Variants in RORA observed in about 807,000 individuals in gnomAD.
RORA encodes nuclear receptor ROR-alpha.
In RORA, 7 loss-of-function variants were observed where a neutral mutation model predicts 69.5. The ratio of observed to expected loss-of-function variants is 0.10; its 90% CI spans 0.06 to 0.19. RORA has a LOEUF of 0.19. Ranked by LOEUF, RORA falls within the 10% of genes least tolerant of loss-of-function variation. The pLI, the probability that RORA is intolerant of heterozygous loss-of-function variation, is 1.00. For missense variants in RORA, 457 were observed against 663.0 expected, an observed-to-expected ratio of 0.69 and a Z score of 3.41; for synonymous variants, 261 against 240.8, an observed-to-expected ratio of 1.08 and a Z score of -0.78.
intron 1 of RORA, among the ~76,000 whole-genome samples, chr15:60,987,852 A>C (rs1333396677): frequency 6.6e-6 from 1 of 152,192 alleles, no homozygotes; most frequent in East Asian, 1.9e-4. Flanking sequence ...TGCATGTCCA[A>C]AGCTGCACAG....
intron 1 of RORA, among the ~76,000 whole-genome samples, chr15:60,871,717 G>C (rs1490286855): frequency 6.6e-6 from 1 of 152,214 alleles, no homozygotes; most frequent in African/African-American, 2.4e-5. Flanking sequence ...ATGTGAAGCA[G>C]TCAGCTTCCA....
chr15:60,815,841 A>G (rs191898920), intron 1 of RORA, among the ~76,000 whole-genome samples: 67 of 148,754 alleles, frequency 4.5e-4, no homozygotes, highest in Admixed American at 1.9e-3. Flanking sequence ...GTATATATTT[A>G]CACTATTTAT....
At chr15:60,689,889 G>T (rs535859708) in intron 1 of RORA, among the ~76,000 whole-genome samples, 4 of 152,152 alleles carry the variant, frequency 2.6e-5, no homozygotes, top group Non-Finnish European at 5.9e-5. Context: ...TTCAGAGGGA[G>T]CAAGGCTCTG....
chr15:61,013,192 A>T (rs969188067), intron 1 of RORA, among the ~76,000 whole-genome samples: 2 of 152,236 alleles, frequency 1.3e-5, no homozygotes, highest in African/African-American at 2.4e-5. Context: ...TGAATAATGG[A>T]AACGATAATA....
chr15:60,901,048 T>C (rs1160996023), intron 1 of RORA, among the ~76,000 whole-genome samples: 3 of 152,178 alleles, frequency 2.0e-5, no homozygotes, highest in African/African-American at 7.2e-5. Flanking sequence ...GTGTTTAGTA[T>C]TGAAATTATG....
At chr15:61,170,398 G>A (rs916129761) in intron 1 of RORA, among the ~76,000 whole-genome samples, 2 of 152,114 alleles carry the variant, frequency 1.3e-5, no homozygotes, top group African/African-American at 4.8e-5. Flanking sequence ...TGTGTGTCCT[G>A]TGCTTTTGTC....
intron 1 of RORA, among the ~76,000 whole-genome samples, chr15:61,040,156 A>ATGATT (rs1566958463): frequency 8.0e-5 from 10 of 125,040 alleles, no homozygotes; most frequent in South Asian, 7.6e-4. Context: ...ATATATATAT[A>ATGATT]TATATATAAA....
chr15:61,180,117 C>G, intron 1 of RORA, among the ~76,000 whole-genome samples: 1 of 131,742 alleles, frequency 7.6e-6, no homozygotes. Flanking sequence ...GCACTCGAGC[C>G]TGGGCAACAG....
chr15:61,105,765 C>T (rs1477440200), intron 1 of RORA, among the ~76,000 whole-genome samples: 1 of 152,210 alleles, frequency 6.6e-6, no homozygotes, highest in Non-Finnish European at 1.5e-5. Context: ...CACTTACATG[C>T]TCTGAGCTTC....
chr15:61,109,227 G>A (rs1175189944), intron 1 of RORA, among the ~76,000 whole-genome samples: 1 of 152,120 alleles, frequency 6.6e-6, no homozygotes. Flanking sequence ...AGTACCATAA[G>A]CACTGTGCTA....
Position 61,167,482 on chromosome 15 carries a change from ATTTTTTTTTTTTTTTTTTTTTTTT to A in RORA, c.166+61547_166+61570del, listed in dbSNP as rs199752865. Among the ~76,000 whole-genome samples, 301 of 133,632 alleles carry A rather than the reference ATTTTTTTTTTTTTTTTTTTTTTTT, an allele frequency of 2.3e-3. 1 individual carries two copies. The highest frequency in any genetic ancestry group is 5.0e-3 in the African/African-American group (174 of 34,942). 87.7% of individuals were successfully genotyped at this position (133,632 alleles called of 152,430 possible). A position where few individuals can be genotyped will look rare whatever the true frequency, so the allele number is the denominator to read the frequency against. On this transcript the variant is annotated intron_variant, in intron 1 of 10. Transcript: ENST00000335670. ...AAAGGATGCAAATAATTTGACCAGG[ATTTTTTTTTTTTTTTTTTTTTTTT>A]TTTTTTTTTTTTTTTTATGAAGAAA...
At chr15:61,129,380 G>A (rs1156535044) in intron 1 of RORA, among the ~76,000 whole-genome samples, 2 of 152,050 alleles carry the variant, frequency 1.3e-5, no homozygotes, top group Non-Finnish European at 2.9e-5. Flanking sequence ...CCATTTATAC[G>A]GAATATCTAG....
intron 2 of RORA, among the ~76,000 whole-genome samples, chr15:60,540,556 T>G (rs2066831311): frequency 1.1e-5 from 1 of 94,226 alleles, no homozygotes; most frequent in African/African-American, 4.8e-5. Context: ...ACCTGCACAA[T>G]TTCCATGACC....
At chr15:61,146,481 C>T (rs573888379) in intron 1 of RORA, among the ~76,000 whole-genome samples, 1,877 of 151,702 alleles carry the variant, frequency 0.012, 38 homozygotes, top group African/African-American at 0.042. Context: ...CACACACACA[C>T]ACGCACACAC....
rs149272572 is a variant in RORA at position 61,104,100 on chromosome 15, A to G, written c.166+124953T>C. On this transcript the variant is annotated intron_variant, in intron 1 of 10. Transcript: ENST00000335670. ...GAAAAGCCACATGATGCATGTTCTC[A>G]TCTCCCCTTCCACCCAACTCACCTG... Among the ~76,000 whole-genome samples the G allele has an allele frequency of 9.3e-4, 141 of 152,296 alleles. 1 individual carries two copies. Among genetic ancestry groups the G allele is most frequent in the African/African-American group, 3.4e-3 (140 of 41,570 alleles).
At chr15:60,858,202 G>C (rs930938812) in intron 1 of RORA, among the ~76,000 whole-genome samples, 4 of 152,140 alleles carry the variant, frequency 2.6e-5, no homozygotes, top group African/African-American at 9.7e-5. Context: ...GTGTTTCCCT[G>C]GGTCTCAGTT....
intron 1 of RORA, chr15:60,765,075 G>T (rs2071965013): frequency 6.6e-6 from 1 of 151,736 alleles, no homozygotes; most frequent in Non-Finnish European, 1.5e-5. Context: ...ACAAAGTAGT[G>T]GGAATCTGAA....
intron 1 of RORA, among the ~76,000 whole-genome samples, chr15:61,082,785 A>C (rs1480219605): frequency 6.6e-6 from 1 of 152,206 alleles, no homozygotes; most frequent in African/African-American, 2.4e-5. Context: ...TTATTTCTTT[A>C]GATTTCTTTT....
chr15:60,520,725 G>GT (rs1367247161), intron 3 of RORA, among the ~76,000 whole-genome samples: 1 of 151,580 alleles, frequency 6.6e-6, no homozygotes, highest in East Asian at 1.9e-4. Flanking sequence ...CTGAGGAGGC[G>GT]TAAAAAAAAA....
Sources: gnomAD v4.1 joint callset for allele counts (sites outside exome capture counted in the v4.1 genomes callset) on GRCh38, gnomAD v4.1.1 for gene constraint, MANE v1.5 for transcripts, NCBI Gene and HGNC (gene_info 2026-07-23, HGNC 2026-07-21) for gene names.